DHRS7B: variants seen among roughly 807,000 people sequenced by gnomAD.
DHRS7B encodes the protein peroxisomal reductase activating PPAR-gamma.
DHRS7B carries 24 observed loss-of-function variants against 26.4 expected under a neutral mutation model. The observed-to-expected ratio is 0.91, with a 90% CI of 0.66 to 1.28. The LOEUF is 1.28. Ranked by LOEUF, DHRS7B falls within the 50% of genes most tolerant of loss-of-function variation. The probability of loss-of-function intolerance (pLI) is 0.00; values close to 1 mark genes in which losing one functional copy is unlikely to be tolerated. For synonymous variants in DHRS7B, 142 were observed against 166.4 expected, an observed-to-expected ratio of 0.85 and a Z score of 1.13; for missense variants, 368 against 419.4, an observed-to-expected ratio of 0.88 and a Z score of 1.07.
chr17:21,168,065 C>A lies in DHRS7B; in HGVS notation c.21-3953C>A, dbSNP rs76529701. ...AGCAAGGTGGTGGGGCTTTCCATGG[C>A]TAGCTCTCATGGTCATCCTGACTTC... On this transcript the variant is annotated intron_variant, in intron 1 of 6. Transcript: ENST00000395511. 6.1e-3 allele frequency among the ~76,000 whole-genome samples: 935 copies of A among 152,278 alleles called. 11 individuals are homozygous for A. The highest frequency in any genetic ancestry group is 0.022 in the African/African-American group (896 of 41,560).
At chr17:21,165,970 C>T (rs1282670454) in intron 1 of DHRS7B, among the ~76,000 whole-genome samples, 1 of 151,252 alleles carries the variant, frequency 6.6e-6, no homozygotes, top group Non-Finnish European at 1.5e-5. Flanking sequence ...TGTCCAAGTT[C>T]CTAGGTAGCC....
intron 1 of DHRS7B, among the ~76,000 whole-genome samples, chr17:21,158,348 T>C (rs1973925321): frequency 6.6e-6 from 1 of 152,150 alleles, no homozygotes; most frequent in Admixed American, 6.5e-5. Flanking sequence ...GAAATGAAAA[T>C]GTATTTGTTC....
intron 1 of DHRS7B, chr17:21,127,505 A>G (rs1973127012): frequency 2.6e-5 from 4 of 154,532 alleles, no homozygotes; most frequent in Admixed American, 6.5e-5. Flanking sequence ...GTCCACGGGA[A>G]TGGCTGGTTG....
Position 21,188,811 on chromosome 17 carries a change from C to A in DHRS7B, c.720C>A (p.Ile240=), listed in dbSNP as rs750571861. Residue 240 remains isoleucine, a synonymous_variant, in exon 6 of 7, where the codon ATC becomes ATA. Transcript: ENST00000395511. ...IEVTVISPGY[I]HTNLSVNAIT... is the part of the protein sequence containing the mutation. ...TGACCGTCATCAGCCCCGGCTACATCCACACCAACCTCTCTGTAAATGCCA... is the reference window on the plus strand; with the variant it reads ...TGACCGTCATCAGCCCCGGCTACATACACACCAACCTCTCTGTAAATGCCA... The A allele has an allele frequency of 2.7e-5, 44 of 1,614,086 alleles. No homozygotes were observed. The highest frequency in any genetic ancestry group is 3.6e-5 in the Non-Finnish European group (42 of 1,180,044).
intron 2 of DHRS7B, among the ~76,000 whole-genome samples, chr17:21,172,831 C>CA (rs1974290595): frequency 6.6e-6 from 1 of 152,226 alleles, no homozygotes; most frequent in Non-Finnish European, 1.5e-5. Flanking sequence ...TACCGGGACC[C>CA]TGGCCTGGAG....
intron 5 of DHRS7B, among the ~76,000 whole-genome samples, chr17:21,187,813 T>C (rs1974679059): frequency 6.9e-6 from 1 of 143,978 alleles, no homozygotes. Context: ...GTCATTCAGT[T>C]TTTTTTGTTT....
chr17:21,165,807 G>A (rs982345023), intron 1 of DHRS7B, among the ~76,000 whole-genome samples: 1 of 151,534 alleles, frequency 6.6e-6, no homozygotes. Flanking sequence ...TCGCAGCTAC[G>A]CGGGAGGCTG....
chr17:21,161,057 G>A (rs1322242799), intron 1 of DHRS7B, among the ~76,000 whole-genome samples: 1 of 152,210 alleles, frequency 6.6e-6, no homozygotes, highest in African/African-American at 2.4e-5. Flanking sequence ...AGGAGGGAGA[G>A]ATGAATAGGT....
In DHRS7B at chr17:21,178,250, T is replaced by C. The variant is rs1174623888; in HGVS notation, c.217T>C (p.Tyr73His). The change falls in exon 3 of 7, where the codon TAT (tyrosine) becomes CAT (histidine). Residue 73 changes from tyrosine (Y) to histidine (H), a missense_variant. Physicochemically the swap from Tyr to His is moderately conservative, Grantham distance 83. Coordinates refer to ENST00000395511, the MANE Select transcript of DHRS7B (RefSeq NM_015510.5). ...TCCCTTAGAATGTGCAAAAGTCTTC[T>C]ATGCTGCGGGTGCTAAACTGGTGCT... Reference protein sequence around the residue: ...GLGKECAKVFYAAGAKLVLCG... With the variant: ...GLGKECAKVFHAAGAKLVLCG... The C allele has an allele frequency of 6.2e-6, 10 of 1,614,134 alleles. No homozygotes were observed. In the South Asian group the frequency reaches 9.9e-5, roughly 16 times the overall value.
intron 1 of DHRS7B, among the ~76,000 whole-genome samples, chr17:21,163,065 G>A (rs1380799471): frequency 3.3e-5 from 5 of 151,740 alleles, no homozygotes; most frequent in Non-Finnish European, 5.9e-5. Context: ...TTGTGGTGGC[G>A]GGCACTTGTA....
At chr17:21,127,063 G>A in intron 1 of DHRS7B, 72 bp downstream of exon 1, 1 of 1,423,356 alleles carries the variant, frequency 7.0e-7, no homozygotes, top group Non-Finnish European at 9.2e-7. Flanking sequence ...GCGACGCCCC[G>A]GCTTGGGTGA....
rs912276379 is a variant in DHRS7B at position 21,148,743 on chromosome 17, AAAAC to A, written c.20+21764_20+21767del. Among the ~76,000 whole-genome samples the A allele has an allele frequency of 2.4e-4, 36 of 152,242 alleles. 2 individuals carry two copies. The highest frequency in any genetic ancestry group is 1.3e-3 in the Admixed American group (20 of 15,286). Reference sequence around the variant, plus strand: ...CCTAGGCGACAGAGCGAGATTGTAAAAAACAAACAAACAAAACCAGAAAATACAC... The same window carrying A: ...CCTAGGCGACAGAGCGAGATTGTAAAAAACAAACAAAACCAGAAAATACAC... On this transcript the variant is annotated intron_variant, in intron 1 of 6. Coordinates refer to ENST00000395511, the MANE Select transcript of DHRS7B (RefSeq NM_015510.5).
rs1331560212 is a variant in DHRS7B at position 21,178,871 on chromosome 17, C to T, written c.309+529C>T. Among the ~76,000 whole-genome samples, 7 of 152,160 alleles carry T rather than the reference C, an allele frequency of 4.6e-5. No individual in the cohort carries two copies. The South Asian group carries it at 1.5e-3, about 32-fold the overall frequency. ...ACGTGGTTTCACCATATTGACCAGG[C>T]TGGACTCCTGATCTCAGATGATCTG... On this transcript the variant is annotated intron_variant, in intron 3 of 6. Coordinates refer to ENST00000395511, the MANE Select transcript of DHRS7B (RefSeq NM_015510.5).
At chr17:21,180,042 C>T (rs1184049310) in intron 3 of DHRS7B, among the ~76,000 whole-genome samples, 3 of 150,314 alleles carry the variant, frequency 2.0e-5, no homozygotes, top group Non-Finnish European at 4.4e-5. Context: ...GCTGGGGTTA[C>T]AGGCATGAGC....
chr17:21,142,159 G>GA (rs1973530607), intron 1 of DHRS7B, among the ~76,000 whole-genome samples: 1 of 152,092 alleles, frequency 6.6e-6, no homozygotes, highest in Non-Finnish European at 1.5e-5. Flanking sequence ...CCCTTTTAAG[G>GA]ACTCACAACT....
chr17:21,127,091 G>A, intron 1 of DHRS7B, 100 bp downstream of exon 1: 2 of 1,311,204 alleles, frequency 1.5e-6, no homozygotes, highest in Non-Finnish European at 2.0e-6. Flanking sequence ...CGGTGTAGTG[G>A]TCGAGCTAAG....
intron 5 of DHRS7B, among the ~76,000 whole-genome samples, chr17:21,187,641 A>T (rs1247197126): frequency 4.0e-5 from 6 of 151,054 alleles, no homozygotes; most frequent in Admixed American, 2.0e-4. Flanking sequence ...CTCAAAAAAA[A>T]AAAAAAAAAG....
At chr17:21,145,183 G>A (rs1032615863) in intron 1 of DHRS7B, among the ~76,000 whole-genome samples, 1 of 152,122 alleles carries the variant, frequency 6.6e-6, no homozygotes, top group Non-Finnish European at 1.5e-5. Flanking sequence ...AATTAGCCAG[G>A]CATGGTGGCG....
At chr17:21,165,872 C>T (rs1046913727) in intron 1 of DHRS7B, among the ~76,000 whole-genome samples, 7 of 139,364 alleles carry the variant, frequency 5.0e-5, no homozygotes, top group African/African-American at 1.3e-4. Context: ...GCAAAGATCG[C>T]GGCACTGCTC....
Sources: gnomAD v4.1 joint callset for allele counts (sites outside exome capture counted in the v4.1 genomes callset) on GRCh38, gnomAD v4.1.1 for gene constraint, MANE v1.5 for transcripts, NCBI Gene and HGNC (gene_info 2026-07-23, HGNC 2026-07-21) for gene names.